The following AGBL3 variants were observed in gnomAD, a reference collection of about 807,000 sequenced individuals.
AGBL3 encodes cytosolic carboxypeptidase 3.
Under a neutral mutation model 94.5 loss-of-function variants are expected in AGBL3, and 68 were observed. That is an observed-to-expected ratio of 0.72 (90% CI 0.59 to 0.88). The LOEUF is 0.88. Among genes scored for constraint, AGBL3 ranks in the 40% least tolerant of loss-of-function variants. AGBL3 has a pLI of 0.00. For synonymous variants in AGBL3, 354 were observed against 370.7 expected, an observed-to-expected ratio of 0.95 and a Z score of 0.52; for missense variants, 934 against 1,103.8, an observed-to-expected ratio of 0.85 and a Z score of 2.18.
intron 4 of AGBL3, chr7:135,011,487 T>C (rs1164737776): frequency 6.6e-6 from 1 of 150,534 alleles, no homozygotes; most frequent in Non-Finnish European, 1.5e-5. Flanking sequence ...TTTGGGAGAA[T>C]ATATTAATAT....
chr7:135,045,980 G>A, intron 11 of AGBL3, 69 bp downstream of exon 11: 1 of 1,046,652 alleles, frequency 9.6e-7, no homozygotes, highest in Non-Finnish European at 1.4e-6. Flanking sequence ...AATTATACCA[G>A]CATTTTATTG....
intron 16 of AGBL3, among the ~76,000 whole-genome samples, chr7:135,123,412 C>T (rs185805349): frequency 1.7e-4 from 26 of 152,178 alleles, no homozygotes; most frequent in Admixed American, 2.6e-4. Context: ...ACTAAACCTA[C>T]GATTGATCAG....
intron 12 of AGBL3, among the ~76,000 whole-genome samples, chr7:135,069,189 T>C (rs1250194102): frequency 3.9e-5 from 6 of 152,180 alleles, no homozygotes; most frequent in African/African-American, 9.7e-5. Flanking sequence ...ATCCTAAATA[T>C]ATATGCACCC....
At position 135,135,175 on chromosome 7, in the gene AGBL3, C is replaced by T; in HGVS notation, c.2677C>T (p.Leu893Phe). 6.5e-7 allele frequency: 1 copy of T among 1,549,836 alleles called. No homozygotes were observed. Among genetic ancestry groups the T allele is most frequent in the Non-Finnish European group, 8.7e-7 (1 of 1,146,280 alleles). ...TNQQSSKHTA[L>F]HLTKNKDEQA... Reference sequence around the variant, plus strand: ...CCAGCAAAGCTCTAAGCATACAGCCCTCCATCTAACTAAAAATAAGGATGA... The same window carrying T: ...CCAGCAAAGCTCTAAGCATACAGCCTTCCATCTAACTAAAAATAAGGATGA... The change falls in exon 17 of 17, where the codon CTC (leucine) becomes TTC (phenylalanine). Residue 893 changes from leucine (L) to phenylalanine (F), a missense_variant. Leu to Phe is a conservative substitution (Grantham distance 22, BLOSUM62 0). This residue lies in a region of AGBL3 where 441 missense variants were observed against 518.2 expected (regional missense o/e 0.85). Coordinates refer to ENST00000436302, the MANE Select transcript of AGBL3 (RefSeq NM_178563.4).
intron 11 of AGBL3, among the ~76,000 whole-genome samples, chr7:135,049,471 T>C (rs1231738369): frequency 1.3e-5 from 2 of 152,072 alleles, no homozygotes; most frequent in African/African-American, 4.8e-5. Flanking sequence ...CTCCTTCTAT[T>C]TGAGTTTAAG....
chr7:134,988,090 T>TC, intron 2 of AGBL3, 94 bp downstream of exon 2: 1 of 969,390 alleles, frequency 1.0e-6, no homozygotes, highest in Non-Finnish European at 1.5e-6. Flanking sequence ...GATATAAAAA[T>TC]CAATTGGATG....
At chr7:135,038,292 C>G (rs981432765) in intron 8 of AGBL3, among the ~76,000 whole-genome samples, 1 of 152,116 alleles carries the variant, frequency 6.6e-6, no homozygotes, top group Non-Finnish European at 1.5e-5. Flanking sequence ...AAAGGATGAT[C>G]TGATAAAAAT....
chr7:135,029,724 C>A (rs922183237), intron 5 of AGBL3, among the ~76,000 whole-genome samples: 1 of 152,144 alleles, frequency 6.6e-6, no homozygotes, highest in African/African-American at 2.4e-5. Flanking sequence ...TAGCTTTTGG[C>A]CTATCTTAGC....
rs1828333466 is a variant in AGBL3 at position 135,128,915 on chromosome 7, T to C, written c.2343-5926T>C. The stretch of plus-strand genomic sequence containing the variant: ...AGCAGATAAAATGCTTTAATAGTAA[T>C]TTGTTCCTGTGCAATATCTGTTTCT... On this transcript the variant is annotated intron_variant, in intron 16 of 16. Transcript: ENST00000436302. 2.0e-6 allele frequency: 3 copies of C among 1,500,752 alleles called. No individual in the cohort carries two copies. The Admixed American group carries it at 5.0e-5, about 25-fold the overall frequency. 93.0% of individuals were successfully genotyped at this position (1,500,752 alleles called of 1,614,324 possible). A position where few individuals can be genotyped will look rare whatever the true frequency, so the allele number is the denominator to read the frequency against.
chr7:135,078,666 C>G (rs190230542), intron 13 of AGBL3, among the ~76,000 whole-genome samples: 1 of 152,114 alleles, frequency 6.6e-6, no homozygotes, highest in Non-Finnish European at 1.5e-5. Flanking sequence ...TTGATTGGAG[C>G]TTTTAAAATT....
intron 15 of AGBL3, among the ~76,000 whole-genome samples, chr7:135,097,012 T>G (rs1345338875): frequency 6.6e-6 from 1 of 152,176 alleles, no homozygotes; most frequent in South Asian, 2.1e-4. Flanking sequence ...ATTGAAAGTG[T>G]TTTTATGACC....
At chr7:134,989,451 G>C in intron 3 of AGBL3, 141 bp downstream of exon 3, 1 of 582,182 alleles carries the variant, frequency 1.7e-6, no homozygotes. Flanking sequence ...GTATCTACTT[G>C]CAGAGTTCAA....
rs1554497687 is a variant in AGBL3 at position 135,026,244 on chromosome 7, A to ATTATTTTATTTTATTTTATTTTATTTTAT, written c.419-6597_419-6569dup. On this transcript the variant is annotated intron_variant, in intron 5 of 16. Coordinates refer to ENST00000436302, the MANE Select transcript of AGBL3 (RefSeq NM_178563.4). The stretch of plus-strand genomic sequence containing the variant: ...TGCAATAAAAATAGAAATGAATACC[A>ATTATTTTATTTTATTTTATTTTATTTTAT]TTATTTTATTTTATTTTATTTTATT... 8.0e-3 allele frequency among the ~76,000 whole-genome samples: 653 copies of ATTATTTTATTTTATTTTATTTTATTTTAT among 81,458 alleles called. 19 individuals carry two copies. Among genetic ancestry groups the ATTATTTTATTTTATTTTATTTTATTTTAT allele is most frequent in the South Asian group, 0.025 (45 of 1,782 alleles). 53.4% of individuals were successfully genotyped at this position (81,458 alleles called of 152,430 possible). A position where few individuals can be genotyped will look rare whatever the true frequency, so the allele number is the denominator to read the frequency against.
chr7:135,044,975 G>T, intron 9 of AGBL3, among the ~76,000 whole-genome samples: 1 of 100,822 alleles, frequency 9.9e-6, no homozygotes, highest in Non-Finnish European at 2.0e-5. Flanking sequence ...TTGGTTTTTT[G>T]TTCTTGCGAT....
intron 13 of AGBL3, 69 bp from the exon 14 acceptor site, chr7:135,080,134 A>G: frequency 3.4e-6 from 4 of 1,175,116 alleles, no homozygotes; most frequent in Non-Finnish European, 4.9e-6. Flanking sequence ...ACCATAAATC[A>G]TATAGGAAAT....
intron 15 of AGBL3, among the ~76,000 whole-genome samples, chr7:135,090,044 G>A (rs1299589092): frequency 6.6e-6 from 1 of 152,212 alleles, no homozygotes; most frequent in Non-Finnish European, 1.5e-5. Flanking sequence ...GCACTGGCCT[G>A]ACTCTGGGGA....
At chr7:135,128,155 G>A (rs1162976090) in intron 16 of AGBL3, among the ~76,000 whole-genome samples, 2 of 151,768 alleles carry the variant, frequency 1.3e-5, no homozygotes, top group Admixed American at 6.6e-5. Context: ...AGCCAGGTGT[G>A]GTGGTGAGTG....
rs1346384733 is a variant in AGBL3 at position 135,034,045 on chromosome 7, T to C, written c.558-104T>C. 8 of 1,075,370 alleles carry C rather than the reference T, an allele frequency of 7.4e-6. No individual in the cohort carries two copies. In the East Asian group the frequency reaches 2.2e-4, roughly 30 times the overall value. 66.6% of individuals were successfully genotyped at this position (1,075,370 alleles called of 1,614,324 possible). On this transcript the variant is annotated intron_variant, in intron 6 of 16. Transcript: ENST00000436302. ...AAAGCTTTCTGTGAATGAGTAAAAA[T>C]AAAATAATTTTCCTTATTTAACTCA...
At chr7:135,029,623 T>TAAG (rs1379193392) in intron 5 of AGBL3, among the ~76,000 whole-genome samples, 13 of 152,196 alleles carry the variant, frequency 8.5e-5, no homozygotes, top group African/African-American at 3.1e-4. Context: ...GACTGTCTTA[T>TAAG]CATCTGTGTG....
Sources: gnomAD v4.1 joint callset for allele counts (sites outside exome capture counted in the v4.1 genomes callset) on GRCh38, gnomAD v4.1.1 for gene constraint, gnomAD v4.1.1 regional missense constraint, MANE v1.5 for transcripts, NCBI Gene and HGNC (gene_info 2026-07-23, HGNC 2026-07-21) for gene names.